The following SPTB variants were observed in gnomAD, a reference collection of about 807,000 sequenced individuals.
SPTB encodes the protein spectrin beta, erythrocytic, also known as spectrin beta chain, erythrocytic.
SPTB carries 45 observed loss-of-function variants against 256.2 expected under a neutral mutation model. The ratio of observed to expected loss-of-function variants is 0.18; its 90% CI spans 0.14 to 0.23. SPTB has a LOEUF of 0.23. SPTB is among the 10% of genes least tolerant of loss of function. The pLI is 1.00. For missense variants in SPTB, 2,715 were observed against 3,040.4 expected (o/e 0.89, Z 2.52); for synonymous variants, 1,231 against 1,243.1 (o/e 0.99, Z 0.21).
In SPTB at chr14:64,853,703, A is replaced by G. The variant is rs2139781392; in HGVS notation, c.-52+26089T>C. On this transcript the variant is annotated intron_variant, in intron 1 of 35. Transcript: ENST00000644917. The surrounding 1 kb of genome is among the most constrained non-coding windows in gnomAD (Gnocchi z 4.3). ...GTTGTATTCAATGGGAAAGACCTGA[A>G]CTTATCTATAGGCAAGAGTGAAACA... Among the ~76,000 whole-genome samples the G allele has an allele frequency of 6.6e-6, 1 of 152,288 alleles. No homozygotes were observed. The highest frequency in any genetic ancestry group is 2.4e-5 in the African/African-American group (1 of 41,558).
chr14:64,865,531 T>C (rs939231256), intron 1 of SPTB, among the ~76,000 whole-genome samples: 1 of 152,070 alleles, frequency 6.6e-6, no homozygotes, highest in African/African-American at 2.4e-5. Context: ...TTTCTGAGCG[T>C]TTTCTGGGTC....
chr14:64,812,900 A>G (rs416807), intron 2 of SPTB, among the ~76,000 whole-genome samples: 17,938 of 152,144 alleles, frequency 0.12, 1,876 homozygotes, highest in African/African-American at 0.27. Context: ...CTTTTCTGTT[A>G]AAAAAATTTG....
At chr14:64,800,375 G>A (rs2082860028) in intron 8 of SPTB, among the ~76,000 whole-genome samples, 1 of 152,262 alleles carries the variant, frequency 6.6e-6, no homozygotes, top group Admixed American at 6.5e-5. Flanking sequence ...CTAGCAGAGG[G>A]AAGGAATCTG....
chr14:64,832,874 C>T (rs1034540945), intron 1 of SPTB, among the ~76,000 whole-genome samples: 1 of 152,224 alleles, frequency 6.6e-6, no homozygotes, highest in African/African-American at 2.4e-5. Flanking sequence ...TTCTGCTGGT[C>T]TTTGTATCTA....
At chr14:64,774,212 G>A (rs534140894) in intron 24 of SPTB, among the ~76,000 whole-genome samples, 185 bp downstream of exon 24, 1 of 152,338 alleles carries the variant, frequency 6.6e-6, no homozygotes, top group East Asian at 1.9e-4. Context: ...AGCTGGAAGT[G>A]ATTCACACAA....
intron 15 of SPTB, 150 bp from the exon 16 acceptor site, chr14:64,787,310 G>T: frequency 9.5e-7 from 1 of 1,053,410 alleles, no homozygotes; most frequent in Non-Finnish European, 1.4e-6. Flanking sequence ...TCTACCTAAC[G>T]AAGTGTAGGT....
chr14:64,749,977 T>G lies in SPTB; in HGVS notation c.6776+4A>C. On this transcript the variant is annotated splice_donor_region_variant and intron_variant, in intron 34 of 35. Transcript: ENST00000644917. This position sits in a 1 kb window ranked among gnomAD's most constrained non-coding sequence, Gnocchi z 4.7. ...CGAGCTTTCAAAGGCCAGGAAGGCCTCACCTCAGCTTAAAGACGTGCTTCT... is the reference window on the plus strand; with the variant it reads ...CGAGCTTTCAAAGGCCAGGAAGGCCGCACCTCAGCTTAAAGACGTGCTTCT... The G allele has an allele frequency of 1.2e-6, 2 of 1,614,224 alleles. No homozygotes were observed. The highest frequency in any genetic ancestry group is 1.7e-6 in the Non-Finnish European group (2 of 1,180,036).
Position 64,797,861 on chromosome 14 carries a change from G to C in SPTB, c.1065-15C>G. 1 of 1,602,226 alleles carries C rather than the reference G, an allele frequency of 6.2e-7. No individual in the cohort carries two copies. The highest frequency in any genetic ancestry group is 8.6e-7 in the Non-Finnish European group (1 of 1,169,098). ...TCTCTTGAAACCTGTCAAGAAAACA[G>C]AAGTAGGAAGACTGATGTTAAGATC... On this transcript the variant is annotated splice_polypyrimidine_tract_variant and intron_variant, in intron 9 of 35. Transcript: ENST00000644917.
At chr14:64,750,444 A>G (rs1190501527) in intron 33 of SPTB, among the ~76,000 whole-genome samples, 2 of 152,114 alleles carry the variant, frequency 1.3e-5, no homozygotes, top group Non-Finnish European at 2.9e-5. Context: ...GTTTCTAAGC[A>G]TAACACTAAA....
chr14:64,793,491 C>A lies in SPTB; in HGVS notation c.2172G>T (p.Gln724His). 1.2e-6 allele frequency: 2 copies of A among 1,614,170 alleles called. No individual in the cohort carries two copies. Among genetic ancestry groups the A allele is most frequent in the Non-Finnish European group, 1.7e-6 (2 of 1,180,038 alleles). The change falls in exon 14 of 36, where the codon CAG becomes CAT. Residue 724 changes from glutamine (Q) to histidine (H), a missense_variant. By Grantham distance (24) the Gln-to-His change is conservative. Transcript: ENST00000644917. The surrounding 1 kb of genome is among the most constrained non-coding windows in gnomAD (Gnocchi z 7.0). ...CAGCCAGGTCCTTCAGCTGGTCCCA[C>A]TGTGCCGACACCTCCTTTATGCGGG... is the stretch of plus-strand genomic sequence containing the variant. Reference protein sequence around the residue: ...IEARIKEVSAQWDQLKDLAAF... With the variant: ...IEARIKEVSAHWDQLKDLAAF...
chr14:64,791,546 A>G (rs542260934), intron 15 of SPTB, among the ~76,000 whole-genome samples, 173 bp downstream of exon 15: 9 of 148,740 alleles, frequency 6.1e-5, no homozygotes, highest in African/African-American at 2.0e-4. Context: ...AGCCTGGGTA[A>G]AAGAGTGAGG....
chr14:64,791,009 A>G (rs1480334979), intron 15 of SPTB, among the ~76,000 whole-genome samples: 1 of 152,212 alleles, frequency 6.6e-6, no homozygotes, highest in Admixed American at 6.5e-5. Context: ...TTTTATGGAC[A>G]GTACTTAAGA....
rs531315012 is a variant in SPTB at position 64,826,549 on chromosome 14, G to T, written c.-51-3404C>A. On this transcript the variant is annotated intron_variant, in intron 1 of 35. Transcript: ENST00000644917. The surrounding 1 kb of genome is among the most constrained non-coding windows in gnomAD (Gnocchi z 4.4). The stretch of plus-strand genomic sequence containing the variant: ...GGCCTTCCATGAGTCACGGAGGACC[G>T]CAAATACATGGCTAAAATTAGATCT... Among the ~76,000 whole-genome samples, 2 of 152,266 alleles carry T rather than the reference G, an allele frequency of 1.3e-5. No individual in the cohort carries two copies. Among genetic ancestry groups the T allele is most frequent in the East Asian group, 3.9e-4 (2 of 5,192 alleles).
In SPTB at chr14:64,784,256, G is replaced by A. The variant is rs141384128; in HGVS notation, c.3993C>T (p.Asn1331=). The A allele has an allele frequency of 4.3e-6, 7 of 1,614,250 alleles. No homozygotes were observed. In the East Asian group the frequency reaches 1.1e-4, roughly 26 times the overall value. Residue 1331 remains asparagine, a synonymous_variant, in exon 19 of 36, where the codon AAC becomes AAT. Coordinates refer to ENST00000644917, the MANE Select transcript of SPTB (RefSeq NM_001355436.2). ...ELASHEGWLE[N]IDAEGKQLMD... is the part of the protein sequence containing the mutation. ...CAATCACTTTACTTACCGCATCGAT[G>A]TTCTCTAGCCACCCTTCATGGGAAG...
Position 64,766,475 on chromosome 14 carries a change from C to A in SPTB, c.6345+251G>T, listed in dbSNP as rs543583423. ...ACATTAGGTAAAACAAAACTAATAA[C>A]GTCATGTCACTGGGCTGGCCTGTTT... On this transcript the variant is annotated intron_variant, in intron 32 of 35. Transcript: ENST00000644917. 1.6e-3 allele frequency: 2,224 copies of A among 1,430,368 alleles called. 1 individual carries two copies. Among genetic ancestry groups the A allele is most frequent in the Non-Finnish European group, 1.8e-3 (2,028 of 1,096,714 alleles). The allele number at this position is 1,430,368 out of a possible 1,614,324, so 88.6% of individuals were successfully genotyped here.
intron 1 of SPTB, among the ~76,000 whole-genome samples, chr14:64,854,356 G>A (rs1310256537): frequency 8.6e-6 from 1 of 115,650 alleles, no homozygotes. Context: ...TTGGCTCACT[G>A]CAACCTCCGC....
rs2082040082 is a variant in SPTB, at chr14:64,758,058, C to G, written c.6346-4265G>C. ...CCTGACTCAGTTAGTGGGAGTGAGC[C>G]CATGACCTACTTCACAGGTGGTTTG... On this transcript the variant is annotated intron_variant, in intron 32 of 35. Coordinates refer to ENST00000644917, the MANE Select transcript of SPTB (RefSeq NM_001355436.2). This position sits in a 1 kb window ranked among gnomAD's most constrained non-coding sequence, Gnocchi z 4.6. Among the ~76,000 whole-genome samples the G allele has an allele frequency of 2.0e-5, 3 of 152,164 alleles. No individual in the cohort carries two copies. The highest frequency in any genetic ancestry group is 1.3e-4 in the Admixed American group (2 of 15,280).
chr14:64,818,193 C>A (rs556818835), intron 2 of SPTB, among the ~76,000 whole-genome samples: 1 of 152,326 alleles, frequency 6.6e-6, no homozygotes, highest in Admixed American at 6.5e-5. Context: ...TTAGTCTATC[C>A]TTTGGTGATT....
intron 24 of SPTB, 135 bp from the exon 25 acceptor site, chr14:64,773,559 G>T: frequency 1.0e-6 from 1 of 963,350 alleles, no homozygotes. Context: ...AGAAATGACA[G>T]GGGCTTTGCC....
Sources: allele counts gnomAD v4.1 joint callset (sites outside exome capture counted in the v4.1 genomes callset), GRCh38; gene constraint gnomAD v4.1.1; non-coding constraint Gnocchi (gnomAD v3.1); transcripts MANE v1.5; gene names NCBI Gene and HGNC (gene_info 2026-07-23, HGNC 2026-07-21).